TNIP3: variants seen among roughly 807,000 people sequenced by gnomAD.
TNIP3 encodes TNFAIP3-interacting protein 3.
Under a neutral mutation model 54.1 loss-of-function variants are expected in TNIP3, and 34 were observed. The observed-to-expected ratio is 0.63, with a 90% CI of 0.48 to 0.84. The LOEUF (loss-of-function observed/expected upper bound fraction) is 0.84, where lower values mean the gene tolerates loss of function less well. Ranked by LOEUF, TNIP3 falls within the 40% of genes least tolerant of loss-of-function variation. TNIP3 has a pLI of 0.00. For synonymous variants in TNIP3, 134 were observed against 136.8 expected (o/e 0.98, Z 0.14); for missense variants, 366 against 387.6 (o/e 0.94, Z 0.47).
intron 10 of TNIP3, among the ~76,000 whole-genome samples, chr4:121,135,628 G>C (rs192523003): frequency 6.6e-5 from 10 of 152,040 alleles, no homozygotes; most frequent in Non-Finnish European, 1.5e-4. Context: ...TGAACTCCTA[G>C]GCTCAAGCAA....
At chr4:121,143,794 G>A (rs1316583746) in intron 7 of TNIP3, among the ~76,000 whole-genome samples, 2 of 152,162 alleles carry the variant, frequency 1.3e-5, no homozygotes, top group Admixed American at 1.3e-4. Context: ...TGAAGTCATG[G>A]TCAAGAGTAC....
At chr4:121,196,889 A>AT (rs1017447383) in intron 2 of TNIP3, among the ~76,000 whole-genome samples, 5 of 151,994 alleles carry the variant, frequency 3.3e-5, no homozygotes, top group East Asian at 1.9e-4. Flanking sequence ...TTTATATTTT[A>AT]TTTTTTCTGA....
intron 3 of TNIP3, among the ~76,000 whole-genome samples, chr4:121,178,507 T>A (rs184465944): frequency 6.6e-6 from 1 of 152,210 alleles, no homozygotes; most frequent in African/African-American, 2.4e-5. Context: ...TTGAGCACAC[T>A]TGGCACAGTG....
chr4:121,164,488 G>GAACTTCCTCCTCCA, upstream of TNIP3: 1 of 372,454 alleles, frequency 2.7e-6, no homozygotes, highest in Non-Finnish European at 3.9e-6. Context: ...TCCCACTGGA[G>GAACTTCCTCCTCCA]GAGGAAGTTC....
chr4:121,161,091 A>G, intron 2 of TNIP3, 45 bp downstream of exon 2: 1 of 1,387,744 alleles, frequency 7.2e-7, no homozygotes, highest in Non-Finnish European at 1.0e-6. Flanking sequence ...TATCCTCAGC[A>G]TTAATCCATG....
At chr4:121,170,410 T>C (rs997512417) in intron 3 of TNIP3, among the ~76,000 whole-genome samples, 1 of 152,192 alleles carries the variant, frequency 6.6e-6, no homozygotes, top group African/African-American at 2.4e-5. Context: ...TACACAAAGT[T>C]ATAGGCTTTG....
chr4:121,135,581 T>C (rs997233500), intron 10 of TNIP3, among the ~76,000 whole-genome samples: 1 of 152,114 alleles, frequency 6.6e-6, no homozygotes, highest in African/African-American at 2.4e-5. Flanking sequence ...TATTTTTTTG[T>C]AGAGACAGGG....
In TNIP3 at chr4:121,141,866, G is replaced by A; in HGVS notation, c.835C>T (p.Pro279Ser). Residue 279 changes from proline (P) to serine (S), a missense_variant, in exon 9 of 11, where the codon CCA (proline) becomes TCA (serine). Physicochemically the swap from Pro to Ser is moderately conservative, Grantham distance 74 (BLOSUM62 -1). Transcript: ENST00000057513. ...NCGLVFHLQD[P>S]WVPTGPGAVQ... ...GCTCCAGGGCCTGTTGGTACCCATG[G>A]ATCTTGCAGGTGGAAAACCAAGCCG... 6.2e-7 allele frequency: 1 copy of A among 1,600,734 alleles called. No homozygotes were observed. The highest frequency in any genetic ancestry group is 8.5e-7 in the Non-Finnish European group (1 of 1,173,694).
chr4:121,224,250 C>A (rs1255163869), intron 1 of TNIP3, among the ~76,000 whole-genome samples: 1 of 152,118 alleles, frequency 6.6e-6, no homozygotes, highest in East Asian at 1.9e-4. Context: ...GTAATCCCAA[C>A]TACTTGGGAG....
At chr4:121,178,261 G>A (rs2148825139) in intron 3 of TNIP3, among the ~76,000 whole-genome samples, 1 of 152,332 alleles carries the variant, frequency 6.6e-6, no homozygotes, top group South Asian at 2.1e-4. Context: ...CCCATCTGTA[G>A]AGGGGTAAAG....
In TNIP3 at chr4:121,132,646, C is replaced by G. The variant is rs774411351; in HGVS notation, c.963G>C (p.Lys321Asn). The G allele has an allele frequency of 6.2e-7, 1 of 1,612,556 alleles. No individual in the cohort carries two copies. Among genetic ancestry groups the G allele is most frequent in the Middle Eastern group, 1.7e-4 (1 of 6,050 alleles). The change falls in exon 11 of 11, where the codon AAG (lysine) becomes AAC (asparagine). Residue 321 changes from lysine (K) to asparagine (N), a missense_variant. Transcript: ENST00000057513. ...GTGTGTACTTCTACGGATGGACTTT[C>G]TTTACTGAGGATAAACCTATGGAAA... ...QHKANGLSSV[K>N]KVHP is the part of the protein sequence containing the mutation.
At chr4:121,193,239 T>A (rs1725394700) in intron 2 of TNIP3, among the ~76,000 whole-genome samples, 1 of 152,184 alleles carries the variant, frequency 6.6e-6, no homozygotes, top group Admixed American at 6.5e-5. Flanking sequence ...TTATAAAAAA[T>A]TGCAATAATT....
At chr4:121,172,099 C>T (rs1332804461) in intron 3 of TNIP3, among the ~76,000 whole-genome samples, 4 of 152,166 alleles carry the variant, frequency 2.6e-5, no homozygotes, top group African/African-American at 9.7e-5. Flanking sequence ...CATCAAAGAG[C>T]AGAGTCAGCT....
At chr4:121,174,497 G>A (rs1392849359) in intron 3 of TNIP3, among the ~76,000 whole-genome samples, 1 of 152,038 alleles carries the variant, frequency 6.6e-6, no homozygotes, top group African/African-American at 2.4e-5. Flanking sequence ...CTATGGTGAG[G>A]ACTCAAAACA....
In TNIP3 at chr4:121,142,715, G is replaced by T. The variant is rs1579375870; in HGVS notation, c.786+11C>A. On this transcript the variant is annotated intron_variant, in intron 8 of 10. Coordinates refer to ENST00000057513, the MANE Select transcript of TNIP3 (RefSeq NM_024873.6). The stretch of plus-strand genomic sequence containing the variant: ...GGAATAAATGTATGCGTGAAAATTA[G>T]ATCAACATACCTGTTTTAATTGCTT... 6.2e-7 allele frequency: 1 copy of T among 1,606,786 alleles called. No individual in the cohort carries two copies. The highest frequency in any genetic ancestry group is 2.2e-5 in the East Asian group (1 of 44,808).
In TNIP3 at chr4:121,142,776, T is replaced by C; in HGVS notation, c.736A>G (p.Ile246Val). ...QSQLNRLNSQ[I>V]KACQMEKEKL... ...TCTTTCTCCATCTGACAAGCTTTTA[T>C]CTAAAGACAAAACAAAGGCATTTGT... The change falls in exon 8 of 11, where the codon ATA becomes GTA. Residue 246 changes from isoleucine to valine, a missense_variant and splice_region_variant. Transcript: ENST00000057513. The C allele has an allele frequency of 6.2e-7, 1 of 1,611,816 alleles. No individual in the cohort carries two copies. The highest frequency in any genetic ancestry group is 1.3e-5 in the African/African-American group (1 of 74,980).
rs1200315038 is a variant in TNIP3 at position 121,198,908 on chromosome 4, G to T, written c.69-16112C>A. Reference sequence around the variant, plus strand: ...GTATTTAAAATTTTTAAATAAAAATGAAGAATTAGAGAGGATAATGAGAAA... The same window carrying T: ...GTATTTAAAATTTTTAAATAAAAATTAAGAATTAGAGAGGATAATGAGAAA... On this transcript the variant is annotated intron_variant, in intron 2 of 12. Transcript: ENST00000507879. 2.0e-5 allele frequency among the ~76,000 whole-genome samples: 3 copies of T among 152,296 alleles called. No individual in the cohort carries two copies. In the East Asian group the frequency reaches 5.8e-4, roughly 29 times the overall value.
intron 2 of TNIP3, among the ~76,000 whole-genome samples, chr4:121,209,395 G>T (rs1487097086): frequency 6.6e-6 from 1 of 152,148 alleles, no homozygotes; most frequent in African/African-American, 2.4e-5. Flanking sequence ...TGGGACTGAG[G>T]CCTTAACATG....
intron 7 of TNIP3, among the ~76,000 whole-genome samples, chr4:121,145,305 ATGAT>A (rs1729363401): frequency 6.6e-6 from 1 of 152,346 alleles, no homozygotes; most frequent in Admixed American, 6.5e-5. Flanking sequence ...CTTTAAAAAA[ATGAT>A]TGAGCTTTCA....
Sources: gnomAD v4.1 joint callset for allele counts (sites outside exome capture counted in the v4.1 genomes callset) on GRCh38, gnomAD v4.1.1 for gene constraint, MANE v1.5 for transcripts, NCBI Gene and HGNC (gene_info 2026-07-23, HGNC 2026-07-21) for gene names.